Variants in GAREM1 observed in about 807,000 individuals in gnomAD.
GAREM1 encodes GRB2-associated and regulator of MAPK protein 1.
GAREM1 carries 26 observed loss-of-function variants against 71.3 expected under a neutral mutation model. The observed-to-expected ratio is 0.36, with a 90% CI of 0.27 to 0.51. GAREM1 has a LOEUF of 0.51. Among genes scored for constraint, GAREM1 ranks in the 20% least tolerant of loss-of-function variants. The probability of loss-of-function intolerance (pLI) is 0.95; values close to 1 mark genes in which losing one functional copy is unlikely to be tolerated. For missense variants in GAREM1, 1,026 were observed against 1,103.1 expected, an observed-to-expected ratio of 0.93 and a Z score of 0.99; for synonymous variants, 440 against 433.2, an observed-to-expected ratio of 1.02 and a Z score of -0.20.
chr18:32,332,925 G>T (rs1307519510), intron 2 of GAREM1, among the ~76,000 whole-genome samples: 1 of 152,100 alleles, frequency 6.6e-6, no homozygotes, highest in African/African-American at 2.4e-5. Flanking sequence ...CTAGGACATG[G>T]ATTGAAATGA....
At chr18:32,426,143 C>T (rs1374932478) in intron 1 of GAREM1, among the ~76,000 whole-genome samples, 1 of 152,104 alleles carries the variant, frequency 6.6e-6, no homozygotes, top group African/African-American at 2.4e-5. Context: ...CTCAGCCTCC[C>T]GAGTAGCTGG....
intron 1 of GAREM1, among the ~76,000 whole-genome samples, chr18:32,399,882 A>T (rs533690256): frequency 5.6e-4 from 85 of 152,350 alleles, no homozygotes; most frequent in African/African-American, 2.0e-3. Context: ...CTAAGCAAAA[A>T]GAACAAAGCT....
At chr18:32,394,384 G>A (rs1041460901) in intron 1 of GAREM1, among the ~76,000 whole-genome samples, 6 of 152,032 alleles carry the variant, frequency 3.9e-5, no homozygotes, top group Non-Finnish European at 5.9e-5. Context: ...CCTGGGTAAC[G>A]GAGCGAGACC....
chr18:32,297,811 C>T (rs989698540), intron 3 of GAREM1, among the ~76,000 whole-genome samples: 2 of 152,104 alleles, frequency 1.3e-5, no homozygotes, highest in Non-Finnish European at 2.9e-5. Context: ...AAAAACTTGG[C>T]GAGTCACCCA....
chr18:32,411,287 C>G (rs2048413317), intron 1 of GAREM1, among the ~76,000 whole-genome samples: 1 of 152,114 alleles, frequency 6.6e-6, no homozygotes. Flanking sequence ...TCACATAAAA[C>G]CCAACAATTT....
intron 2 of GAREM1, among the ~76,000 whole-genome samples, chr18:32,315,335 A>C (rs2047365201): frequency 6.6e-6 from 1 of 151,560 alleles, no homozygotes; most frequent in East Asian, 1.9e-4. Context: ...TTTAAAGAGA[A>C]GAGGTAAAAT....
At chr18:32,455,366 GA>G (rs1447116323) in intron 1 of GAREM1, among the ~76,000 whole-genome samples, 1 of 152,142 alleles carries the variant, frequency 6.6e-6, no homozygotes, top group East Asian at 1.9e-4. Flanking sequence ...GGATTTCAAA[GA>G]AAGAGACACA....
chr18:32,342,218 T>C (rs969075450), intron 2 of GAREM1, among the ~76,000 whole-genome samples: 1 of 152,170 alleles, frequency 6.6e-6, no homozygotes, highest in African/African-American at 2.4e-5. Flanking sequence ...GCGCAGAGGT[T>C]AAGCATCTTG....
At chr18:32,402,603 C>A (rs985291892) in intron 1 of GAREM1, among the ~76,000 whole-genome samples, 1 of 152,036 alleles carries the variant, frequency 6.6e-6, no homozygotes, top group Non-Finnish European at 1.5e-5. Flanking sequence ...TAGGAGCTAT[C>A]GAGGCTCCAC....
In GAREM1 at chr18:32,386,375, A is replaced by G. The variant is rs181044814; in HGVS notation, c.262+6520T>C. On this transcript the variant is annotated intron_variant, in intron 2 of 5. Transcript: ENST00000269209. The stretch of plus-strand genomic sequence containing the variant: ...ACACTTTTAAAAACAGGCACTGCTG[A>G]TATAAATCCAGGTGCTTGCTGAATA... Among the ~76,000 whole-genome samples the G allele has an allele frequency of 2.0e-5, 3 of 152,350 alleles. No homozygotes were observed. The East Asian group carries it at 5.8e-4, about 29-fold the overall frequency.
At chr18:32,348,831 T>C (rs2047721147) in intron 2 of GAREM1, among the ~76,000 whole-genome samples, 1 of 152,190 alleles carries the variant, frequency 6.6e-6, no homozygotes, top group Admixed American at 6.5e-5. Flanking sequence ...ATGTTTATAA[T>C]ATAAATAATT....
chr18:32,270,205 A>G lies in GAREM1; in HGVS notation c.1733+12T>C, dbSNP rs770617906. 6.2e-7 allele frequency: 1 copy of G among 1,613,344 alleles called. No homozygotes were observed. Among genetic ancestry groups the G allele is most frequent in the Non-Finnish European group, 8.5e-7 (1 of 1,179,716 alleles). ...AGATAAGCGTGCAGTGGGACCTGGC[A>G]GGAAGACTTACATGTTGTGTAGCCC... is the stretch of plus-strand genomic sequence containing the variant. On this transcript the variant is annotated intron_variant, in intron 5 of 5. Coordinates refer to ENST00000269209, the MANE Select transcript of GAREM1 (RefSeq NM_001242409.2).
Position 32,430,454 on chromosome 18 carries a change from T to C in GAREM1, c.122-37419A>G, listed in dbSNP as rs941366172. Among the ~76,000 whole-genome samples the C allele has an allele frequency of 2.6e-4, 39 of 152,186 alleles. 1 individual carries two copies. Reference sequence around the variant, plus strand: ...GATTCACAAACTCTCTCTATATATATACTAGGATTGAACAAATAAACAAAT... The same window carrying C: ...GATTCACAAACTCTCTCTATATATACACTAGGATTGAACAAATAAACAAAT... On this transcript the variant is annotated intron_variant, in intron 1 of 5. Coordinates refer to ENST00000269209, the MANE Select transcript of GAREM1 (RefSeq NM_001242409.2).
At position 32,267,772 on chromosome 18, in the gene GAREM1, GA is replaced by G; in HGVS notation, c.*98del. ...AGTTTCTCTTATCCCTATTTACAGA[GA>G]AGGTTTTTAGTGCAAAAACATGAAA... On this transcript the variant is annotated 3_prime_UTR_variant, in exon 6 of 6. Coordinates refer to ENST00000269209, the MANE Select transcript of GAREM1 (RefSeq NM_001242409.2). 1.1e-6 allele frequency: 1 copy of G among 914,184 alleles called. No homozygotes were observed. The highest frequency in any genetic ancestry group is 1.7e-5 in the South Asian group (1 of 57,798). The allele number at this position is 914,184 out of a possible 1,614,324, so 56.6% of individuals were successfully genotyped here.
At chr18:32,370,107 C>T (rs745885293) in intron 2 of GAREM1, among the ~76,000 whole-genome samples, 2 of 152,120 alleles carry the variant, frequency 1.3e-5, no homozygotes, top group African/African-American at 2.4e-5. Flanking sequence ...AAAGTAAATG[C>T]GGTTACATCA....
chr18:32,395,158 T>A (rs1377923183), intron 1 of GAREM1, among the ~76,000 whole-genome samples: 2 of 152,152 alleles, frequency 1.3e-5, no homozygotes, highest in African/African-American at 4.8e-5. Flanking sequence ...GAAGCTGACT[T>A]TGGGGTCTCT....
chr18:32,415,875 C>G (rs1398444847), intron 1 of GAREM1, among the ~76,000 whole-genome samples: 4 of 151,886 alleles, frequency 2.6e-5, no homozygotes, highest in African/African-American at 9.7e-5. Flanking sequence ...CTAACTAGAA[C>G]AAGCACACAA....
chr18:32,366,775 C>T (rs1397497667), intron 2 of GAREM1, among the ~76,000 whole-genome samples: 3 of 152,180 alleles, frequency 2.0e-5, no homozygotes, highest in Admixed American at 1.3e-4. Flanking sequence ...GGGAGGTCTA[C>T]ATACCAAAAC....
At chr18:32,304,914 G>A (rs1056107070) in intron 3 of GAREM1, among the ~76,000 whole-genome samples, 1 of 152,098 alleles carries the variant, frequency 6.6e-6, no homozygotes, top group African/African-American at 2.4e-5. Context: ...ATTTTTAAAA[G>A]GAGGGGTATG....
Sources: allele counts gnomAD v4.1 joint callset (sites outside exome capture counted in the v4.1 genomes callset), GRCh38; gene constraint gnomAD v4.1.1; transcripts MANE v1.5; gene names NCBI Gene and HGNC (gene_info 2026-07-23, HGNC 2026-07-21).